The following SLC44A5 variants were observed in gnomAD, a reference collection of about 807,000 sequenced individuals.
SLC44A5 encodes choline transporter-like protein 5.
In SLC44A5, 57 loss-of-function variants were observed where a neutral mutation model predicts 101.8. The ratio of observed to expected loss-of-function variants is 0.56; its 90% CI spans 0.45 to 0.70. The LOEUF (loss-of-function observed/expected upper bound fraction) is 0.70, where lower values mean the gene tolerates loss of function less well. Ranked by LOEUF, SLC44A5 falls within the 30% of genes least tolerant of loss-of-function variation. The probability of loss-of-function intolerance (pLI) is 0.00; values close to 1 mark genes in which losing one functional copy is unlikely to be tolerated. For missense variants in SLC44A5, 737 were observed against 853.1 expected (o/e 0.86, Z 1.70); for synonymous variants, 281 against 290.9 (o/e 0.97, Z 0.35).
chr1:75,604,858 C>T (rs898316525), intron 1 of SLC44A5, among the ~76,000 whole-genome samples: 4 of 151,860 alleles, frequency 2.6e-5, no homozygotes, highest in African/African-American at 4.8e-5. Flanking sequence ...GATTTTTGTA[C>T]ATTGATTTTG....
At chr1:75,228,596 G>T (rs1218760690) in intron 12 of SLC44A5, among the ~76,000 whole-genome samples, 1 of 151,480 alleles carries the variant, frequency 6.6e-6, no homozygotes, top group Non-Finnish European at 1.5e-5. Flanking sequence ...TCTTAATTTT[G>T]CTTTTCGTAT....
intron 1 of SLC44A5, among the ~76,000 whole-genome samples, chr1:75,560,778 T>C (rs1009031533): frequency 2.0e-5 from 3 of 152,190 alleles, no homozygotes; most frequent in South Asian, 2.1e-4. Flanking sequence ...CTGAAAAAGA[T>C]GTTTATTAAT....
Position 75,211,319 on chromosome 1 carries a change from T to G in SLC44A5, c.2047+149A>C, listed in dbSNP as rs546474735. On this transcript the variant is annotated intron_variant, in intron 23 of 23. Coordinates refer to ENST00000370859, the MANE Select transcript of SLC44A5 (RefSeq NM_001130058.2). Reference sequence around the variant, plus strand: ...CAGGTATTATGGTTTAAATAACATCTACTAAGCAATATCTCTTTCCAGATA... The same window carrying G: ...CAGGTATTATGGTTTAAATAACATCGACTAAGCAATATCTCTTTCCAGATA... The G allele has an allele frequency of 1.8e-5, 10 of 563,848 alleles. No individual in the cohort carries two copies. The Admixed American group carries it at 2.6e-4, about 14-fold the overall frequency. 34.9% of individuals were successfully genotyped at this position (563,848 alleles called of 1,614,324 possible).
intron 6 of SLC44A5, among the ~76,000 whole-genome samples, chr1:75,272,407 T>A (rs1385628761): frequency 6.6e-6 from 1 of 151,914 alleles, no homozygotes; most frequent in Non-Finnish European, 1.5e-5. Context: ...GCTTTTATTT[T>A]TTTTTTATTT....
Position 75,582,576 on chromosome 1 carries a change from C to T in SLC44A5, c.-70+28464G>A, listed in dbSNP as rs1275628400. The T allele has an allele frequency of 8.8e-5, 36 of 408,104 alleles. No individual in the cohort carries two copies. The Admixed American group carries it at 1.2e-3, about 14-fold the overall frequency. 25.3% of individuals were successfully genotyped at this position (408,104 alleles called of 1,614,324 possible). A position where few individuals can be genotyped will look rare whatever the true frequency, so the allele number is the denominator to read the frequency against. On this transcript the variant is annotated intron_variant, in intron 1 of 23. Transcript: ENST00000370859. ...GGTTCAAAGTAGAGATCTCCATCTG[C>T]CAATATGAGGACAGAAGGACTGGTG...
chr1:75,325,809 C>G (rs568652571), intron 4 of SLC44A5, among the ~76,000 whole-genome samples: 146 of 147,560 alleles, frequency 9.9e-4, no homozygotes, highest in African/African-American at 3.6e-3. Context: ...ATGCTTGAGA[C>G]CACAAGTGTT....
At chr1:75,421,048 G>C (rs562891305) in intron 2 of SLC44A5, among the ~76,000 whole-genome samples, 1 of 152,034 alleles carries the variant, frequency 6.6e-6, no homozygotes, top group East Asian at 1.9e-4. Context: ...TTTCAGAGGG[G>C]GAAATAGTTG....
chr1:75,674,511 C>G, the SLC44A5 span, among the ~76,000 whole-genome samples: 2 of 152,132 alleles, frequency 1.3e-5, no homozygotes, highest in South Asian at 4.1e-4. Context: ...TCCTGAGTAG[C>G]TGGGATTACA....
intron 1 of SLC44A5, among the ~76,000 whole-genome samples, chr1:75,606,096 AT>A (rs546684486): frequency 2.5e-4 from 37 of 148,720 alleles, no homozygotes; most frequent in East Asian, 3.9e-4. Context: ...TTCCCGCACA[AT>A]TTTTTTTTTT....
chr1:75,559,261 A>G (rs536153871), intron 1 of SLC44A5, among the ~76,000 whole-genome samples: 11 of 152,178 alleles, frequency 7.2e-5, no homozygotes, highest in African/African-American at 2.6e-4. Context: ...ATGAGCAGTA[A>G]AGGAAAAAGA....
chr1:75,285,794 G>A (rs1452551971), intron 5 of SLC44A5, among the ~76,000 whole-genome samples: 1 of 151,934 alleles, frequency 6.6e-6, no homozygotes, highest in Admixed American at 6.6e-5. Context: ...GTTCCTTTAT[G>A]AGTTCATTTC....
intron 3 of SLC44A5, among the ~76,000 whole-genome samples, chr1:75,347,523 T>A (rs1658335186): frequency 6.6e-6 from 1 of 152,088 alleles, no homozygotes; most frequent in African/African-American, 2.4e-5. Flanking sequence ...CTCTCACCAA[T>A]GGGTCAGGCC....
intron 6 of SLC44A5, among the ~76,000 whole-genome samples, chr1:75,268,371 TTC>T (rs772978048): frequency 2.0e-4 from 31 of 152,184 alleles, no homozygotes; most frequent in Admixed American, 9.2e-4. Flanking sequence ...ACACCAGTCA[TTC>T]TCTGTTAGGC....
Position 75,215,800 on chromosome 1 carries a change from C to G in SLC44A5, c.1682G>C (p.Cys561Ser). 2 of 1,609,206 alleles carry G rather than the reference C, an allele frequency of 1.2e-6. No homozygotes were observed. The highest frequency in any genetic ancestry group is 1.7e-6 in the Non-Finnish European group (2 of 1,176,060). Residue 561 changes from cysteine to serine, a missense_variant, in exon 19 of 24, where the codon TGT becomes TCT. Transcript: ENST00000370859. The part of the protein sequence containing the change: ...LQCCLRCCFW[C>S]LENAIKFLNR... ...TAAAAACTTTATTGCATTTTCCAAACACCAGAAGCAGCATCTCAGGCAGCA... is the reference window on the plus strand; with the variant it reads ...TAAAAACTTTATTGCATTTTCCAAAGACCAGAAGCAGCATCTCAGGCAGCA...
intron 1 of SLC44A5, among the ~76,000 whole-genome samples, chr1:75,565,203 T>C (rs1032873212): frequency 6.6e-6 from 1 of 151,852 alleles, no homozygotes; most frequent in African/African-American, 2.4e-5. Context: ...GGTGAAGGAG[T>C]CTTCAATCTA....
the SLC44A5 span, among the ~76,000 whole-genome samples, chr1:75,716,692 A>G: frequency 6.6e-6 from 1 of 152,176 alleles, no homozygotes; most frequent in Non-Finnish European, 1.5e-5. Flanking sequence ...CACAACAGAA[A>G]AGACACGGAG....
chr1:75,534,302 C>T (rs894741901), intron 2 of SLC44A5, among the ~76,000 whole-genome samples: 1 of 152,168 alleles, frequency 6.6e-6, no homozygotes, highest in East Asian at 1.9e-4. Flanking sequence ...TAAAGCCGGG[C>T]TCCATTTGTC....
At chr1:75,487,473 C>T (rs1668214251) in intron 2 of SLC44A5, among the ~76,000 whole-genome samples, 1 of 152,168 alleles carries the variant, frequency 6.6e-6, no homozygotes, top group African/African-American at 2.4e-5. Context: ...GTGCATCACA[C>T]ATACTGCATA....
intron 2 of SLC44A5, among the ~76,000 whole-genome samples, chr1:75,446,167 A>C (rs995620526): frequency 1.3e-5 from 2 of 152,146 alleles, no homozygotes; most frequent in Admixed American, 1.3e-4. Flanking sequence ...ATCTTTTAAA[A>C]ACGGATCAAG....
Sources: gnomAD v4.1 joint callset for allele counts (sites outside exome capture counted in the v4.1 genomes callset) on GRCh38, gnomAD v4.1.1 for gene constraint, MANE v1.5 for transcripts, NCBI Gene and HGNC (gene_info 2026-07-23, HGNC 2026-07-21) for gene names.